The following TBXAS1 variants were observed in gnomAD, a reference collection of about 807,000 sequenced individuals.
The protein encoded by TBXAS1 is thromboxane A synthase 1.
Under a neutral mutation model 60.7 loss-of-function variants are expected in TBXAS1, and 48 were observed. That is an observed-to-expected ratio of 0.79 (90% confidence interval 0.63 to 1.01). The LOEUF is 1.01. TBXAS1 is among the 50% of genes least tolerant of loss of function. TBXAS1 has a pLI of 0.00. For synonymous variants in TBXAS1, 287 were observed against 269.7 expected, an observed-to-expected ratio of 1.06 and a Z score of -0.63; for missense variants, 685 against 686.3, an observed-to-expected ratio of 1.00 and a Z score of 0.02.
At position 140,009,320 on chromosome 7, in the gene TBXAS1, C is replaced by T. The variant is rs565059601; in HGVS notation, c.1226+2138C>T. Among the ~76,000 whole-genome samples the T allele has an allele frequency of 8.5e-4, 129 of 152,268 alleles. 1 individual carries two copies. Among genetic ancestry groups the T allele is most frequent in the African/African-American group, 2.7e-3 (114 of 41,528 alleles). On this transcript the variant is annotated intron_variant, in intron 10 of 12. Transcript: ENST00000448866. ...TCTTGGCCCTGGCCTTGGCATACTG[C>T]GTGATCGTGAGCCTCATGCTGCTCC...
intron 1 of TBXAS1, among the ~76,000 whole-genome samples, chr7:139,859,368 G>C (rs1026238079): frequency 6.6e-6 from 1 of 151,346 alleles, no homozygotes; most frequent in Non-Finnish European, 1.5e-5. Context: ...CAACACACCT[G>C]GCTAATTTTT....
chr7:139,909,839 C>T (rs535452128), intron 3 of TBXAS1, among the ~76,000 whole-genome samples: 1 of 152,292 alleles, frequency 6.6e-6, no homozygotes, highest in African/African-American at 2.4e-5. Flanking sequence ...ATTTCATACA[C>T]CGAAAACATG....
intron 5 of TBXAS1, among the ~76,000 whole-genome samples, chr7:139,950,729 C>T (rs550899243): frequency 0.027 from 3,267 of 118,878 alleles, 4 homozygotes; most frequent in Middle Eastern, 0.062. Context: ...ATCTACGGGA[C>T]CCCCTCGCCC....
intron 9 of TBXAS1, among the ~76,000 whole-genome samples, chr7:139,994,480 A>G (rs1190051249): frequency 3.9e-5 from 6 of 152,098 alleles, no homozygotes; most frequent in Non-Finnish European, 7.4e-5. Context: ...ACCAGTCACC[A>G]TTTAGGCCTC....
chr7:139,884,232 T>A lies in TBXAS1; in HGVS notation c.236+8595T>A, dbSNP rs914451116. Among the ~76,000 whole-genome samples the A allele has an allele frequency of 7.9e-5, 12 of 152,354 alleles. No homozygotes were observed. The South Asian group carries it at 2.5e-3, about 32-fold the overall frequency. On this transcript the variant is annotated intron_variant, in intron 3 of 12. Transcript: ENST00000448866. ...TGACTGTGGGCCCAGGCTGGGCACC[T>A]CCCACCCAGTAGCACCTTCTTGTTC...
At chr7:139,956,648 T>C (rs1809889992) in intron 7 of TBXAS1, among the ~76,000 whole-genome samples, 5 of 152,254 alleles carry the variant, frequency 3.3e-5, no homozygotes. Context: ...TGGGAGCCCG[T>C]CACCTCACTG....
At position 140,007,071 on chromosome 7, in the gene TBXAS1, T is replaced by C; in HGVS notation, c.1135-20T>C. On this transcript the variant is annotated intron_variant, in intron 9 of 12. Coordinates refer to ENST00000448866, the MANE Select transcript of TBXAS1 (RefSeq NM_001061.7). ...TTGGGCTAACACGAACTTCTCCCTT[T>C]GTCACGACCCCTCCATCAGATGGCC... 1.2e-6 allele frequency: 2 copies of C among 1,611,178 alleles called. No individual in the cohort carries two copies. Among genetic ancestry groups the C allele is most frequent in the Non-Finnish European group, 8.5e-7 (1 of 1,177,244 alleles).
intron 1 of TBXAS1, among the ~76,000 whole-genome samples, chr7:139,831,659 C>T (rs766025594): frequency 1.8e-4 from 27 of 152,158 alleles, no homozygotes; most frequent in Admixed American, 8.5e-4. Flanking sequence ...GGGCTGGGCG[C>T]GGTGGCTCAT....
intron 3 of TBXAS1, among the ~76,000 whole-genome samples, chr7:139,891,014 C>T (rs1456848243): frequency 6.6e-6 from 1 of 151,900 alleles, no homozygotes; most frequent in Admixed American, 6.6e-5. Context: ...TTTCATTTAG[C>T]ACTGTGCTTT....
chr7:139,851,123 C>T (rs1270725246), intron 1 of TBXAS1, among the ~76,000 whole-genome samples: 1 of 152,164 alleles, frequency 6.6e-6, no homozygotes, highest in Non-Finnish European at 1.5e-5. Flanking sequence ...TTACTGTAAC[C>T]CTCAAATCTT....
At chr7:139,865,644 GGAGGAA>G (rs1569503745) in intron 1 of TBXAS1, among the ~76,000 whole-genome samples, 2 of 125,558 alleles carry the variant, frequency 1.6e-5, no homozygotes, top group African/African-American at 3.0e-5. Flanking sequence ...AAGAGGAGGA[GGAGGAA>G]GAGGAGGAGG....
chr7:139,838,866 T>C (rs1015007831), intron 1 of TBXAS1, among the ~76,000 whole-genome samples: 3 of 152,160 alleles, frequency 2.0e-5, no homozygotes, highest in Admixed American at 6.5e-5. Context: ...GAGACTGTAT[T>C]AGCTGGAAGT....
chr7:139,783,240 T>A (rs2117223395), intron 3 of TBXAS1, among the ~76,000 whole-genome samples: 1 of 152,076 alleles, frequency 6.6e-6, no homozygotes, highest in African/African-American at 2.4e-5. Context: ...TAGGGAAACA[T>A]CATTCATTTT....
At chr7:140,009,817 T>C (rs1188352660) in intron 10 of TBXAS1, among the ~76,000 whole-genome samples, 1 of 44,446 alleles carries the variant, frequency 2.2e-5, no homozygotes, top group Non-Finnish European at 4.2e-5. Context: ...GCTGGCCCCA[T>C]ACCTGCTCCA....
chr7:139,852,313 G>A lies in TBXAS1; in HGVS notation c.90-19922G>A, dbSNP rs926016946. On this transcript the variant is annotated intron_variant, in intron 1 of 12. Transcript: ENST00000448866. The surrounding 1 kb of genome is among the most constrained non-coding windows in gnomAD (Gnocchi z 4.4). Reference sequence around the variant, plus strand: ...CTAATAATGGAAGGGATTATAAGTTGCAGGGAGCAGGCAAGAGGCCAAACC... The same window carrying A: ...CTAATAATGGAAGGGATTATAAGTTACAGGGAGCAGGCAAGAGGCCAAACC... Among the ~76,000 whole-genome samples, 18 of 152,222 alleles carry A rather than the reference G, an allele frequency of 1.2e-4. No individual in the cohort carries two copies. The highest frequency in any genetic ancestry group is 5.8e-4 in the East Asian group (3 of 5,192).
chr7:139,841,826 C>A (rs1389721649), intron 1 of TBXAS1, among the ~76,000 whole-genome samples: 1 of 152,114 alleles, frequency 6.6e-6, no homozygotes, highest in East Asian at 1.9e-4. Context: ...ATAGGCTAAA[C>A]CCTTACTGCA....
intron 5 of TBXAS1, among the ~76,000 whole-genome samples, chr7:139,950,986 A>C (rs1809210616): frequency 6.6e-6 from 1 of 152,190 alleles, no homozygotes; most frequent in Non-Finnish European, 1.5e-5. Flanking sequence ...AGGAAACTGC[A>C]GAGGAGAGGG....
chr7:139,834,058 G>A (rs1317476543), intron 1 of TBXAS1, among the ~76,000 whole-genome samples: 1 of 152,134 alleles, frequency 6.6e-6, no homozygotes, highest in East Asian at 1.9e-4. Flanking sequence ...CATATGATAG[G>A]CCATAAAACA....
chr7:139,802,505 C>T (rs117874860), intron 4 of TBXAS1, among the ~76,000 whole-genome samples: 1,736 of 152,310 alleles, frequency 0.011, 21 homozygotes, highest in Middle Eastern at 0.031. Flanking sequence ...CAGTTCCCGG[C>T]TGTTCGCAGT....
Sources: allele counts gnomAD v4.1 joint callset (sites outside exome capture counted in the v4.1 genomes callset), GRCh38; gene constraint gnomAD v4.1.1; non-coding constraint Gnocchi (gnomAD v3.1); transcripts MANE v1.5; gene names NCBI Gene and HGNC (gene_info 2026-07-23, HGNC 2026-07-21).